Variants in CDH13 observed in about 807,000 individuals in gnomAD.
CDH13 encodes the protein cadherin-13.
In CDH13, 24 loss-of-function variants were observed where a neutral mutation model predicts 63.8. The observed-to-expected ratio is 0.38, with a 90% confidence interval of 0.27 to 0.53. The LOEUF is 0.53. CDH13 is among the 20% of genes least tolerant of loss of function. CDH13 has a pLI of 0.85. For synonymous variants in CDH13, 503 were observed against 355.3 expected (o/e 1.42, Z -4.67); for missense variants, 1,049 against 903.1 (o/e 1.16, Z -2.07).
chr16:83,502,517 A>G (rs1332743225), intron 7 of CDH13, among the ~76,000 whole-genome samples: 1 of 152,218 alleles, frequency 6.6e-6, no homozygotes, highest in Non-Finnish European at 1.5e-5. Context: ...CACATGGTTA[A>G]GTCACTAAGG....
intron 3 of CDH13, among the ~76,000 whole-genome samples, chr16:83,039,964 C>G (rs1429895268): frequency 6.6e-6 from 1 of 151,928 alleles, no homozygotes; most frequent in Admixed American, 6.6e-5. Context: ...TGTTCTTTCT[C>G]CAGGCTCCTG....
chr16:83,152,614 AG>A (rs2037032661), intron 4 of CDH13, among the ~76,000 whole-genome samples: 1 of 152,234 alleles, frequency 6.6e-6, no homozygotes, highest in African/African-American at 2.4e-5. Context: ...AATCTGGGAC[AG>A]GTTTCAGAGT....
Position 83,028,714 on chromosome 16 carries a change from A to C in CDH13, c.158-3296A>C, listed in dbSNP as rs555559622. Among the ~76,000 whole-genome samples the C allele has an allele frequency of 2.6e-5, 4 of 152,364 alleles. No homozygotes were observed. In the South Asian group the frequency reaches 6.2e-4, roughly 24 times the overall value. ...ATGATAAAATAGAACAATTATAACA[A>C]TAATGAAAATGGCACACAATTTGAA... On this transcript the variant is annotated intron_variant, in intron 2 of 13. Coordinates refer to ENST00000567109, the MANE Select transcript of CDH13 (RefSeq NM_001257.5).
chr16:82,820,902 C>T (rs1443561141), intron 1 of CDH13, among the ~76,000 whole-genome samples: 1 of 115,804 alleles, frequency 8.6e-6, no homozygotes, highest in African/African-American at 2.8e-5. Context: ...ATGAATATGC[C>T]TGCCCTTTTC....
In CDH13 at chr16:82,644,684, C is replaced by G. The variant is rs1215013355; in HGVS notation, c.45+17547C>G. ...GCAGAAGTCAGGACTTGAACTGGCT[C>G]TGGCTGGGACCCAGGCTCCCAGGTA... is the stretch of plus-strand genomic sequence containing the variant. On this transcript the variant is annotated intron_variant, in intron 1 of 13. Transcript: ENST00000567109. This position sits in a 1 kb window ranked among gnomAD's most constrained non-coding sequence, Gnocchi z 5.7. Among the ~76,000 whole-genome samples the G allele has an allele frequency of 1.3e-5, 2 of 152,134 alleles. No individual in the cohort carries two copies. The highest frequency in any genetic ancestry group is 4.8e-5 in the African/African-American group (2 of 41,416).
At chr16:83,036,552 G>A (rs936826896) in intron 3 of CDH13, among the ~76,000 whole-genome samples, 3 of 152,120 alleles carry the variant, frequency 2.0e-5, no homozygotes, top group African/African-American at 7.2e-5. Context: ...ACAGAGGCAA[G>A]CAAGGCCTGC....
intron 3 of CDH13, among the ~76,000 whole-genome samples, chr16:83,113,212 C>G (rs559696475): frequency 6.6e-6 from 1 of 152,248 alleles, no homozygotes; most frequent in Admixed American, 6.5e-5. Flanking sequence ...ATTGAGCACC[C>G]CAGGATAAAA....
intron 2 of CDH13, among the ~76,000 whole-genome samples, chr16:82,932,246 C>G (rs947417870): frequency 6.6e-6 from 1 of 152,114 alleles, no homozygotes; most frequent in Non-Finnish European, 1.5e-5. Context: ...TTGACACACA[C>G]TTATTCTAAA....
intron 1 of CDH13, among the ~76,000 whole-genome samples, chr16:82,767,432 C>T (rs2035097175): frequency 6.6e-6 from 1 of 152,216 alleles, no homozygotes; most frequent in East Asian, 1.9e-4. Context: ...CTTGACTCAA[C>T]ATGTTGTTTT....
chr16:82,757,329 A>G (rs879359651), intron 1 of CDH13, among the ~76,000 whole-genome samples: 15 of 152,146 alleles, frequency 9.9e-5, no homozygotes, highest in Non-Finnish European at 2.1e-4. Context: ...TTTTCTTGAT[A>G]TTTGAACTTC....
At position 83,777,719 on chromosome 16, in the gene CDH13, G is replaced by A. The variant is rs74034826; in HGVS notation, c.1682-2249G>A. 2.4e-3 allele frequency among the ~76,000 whole-genome samples: 363 copies of A among 152,316 alleles called. 1 individual carries two copies. The highest frequency in any genetic ancestry group is 8.1e-3 in the African/African-American group (338 of 41,572). ...CTTGCTTCTTTGCTAGGACTTGCCT[G>A]CGTCCTGTATGCCAACTTCAAATAC... On this transcript the variant is annotated intron_variant, in intron 11 of 13. Coordinates refer to ENST00000567109, the MANE Select transcript of CDH13 (RefSeq NM_001257.5).
intron 7 of CDH13, among the ~76,000 whole-genome samples, chr16:83,533,618 C>CTTTTTT (rs11365656): frequency 8.6e-6 from 1 of 116,104 alleles, no homozygotes; most frequent in Non-Finnish European, 1.7e-5. Context: ...TTTACATTAT[C>CTTTTTT]TTTTTTTTTT....
At chr16:82,843,657 TG>T (rs1413179984) in intron 1 of CDH13, among the ~76,000 whole-genome samples, 1 of 152,248 alleles carries the variant, frequency 6.6e-6, no homozygotes, top group Non-Finnish European at 1.5e-5. Context: ...AAAAGGACTT[TG>T]GTTCTGAAAG....
chr16:83,783,540 G>A (rs1915679061), intron 13 of CDH13, 68 bp downstream of exon 13: 4 of 1,199,494 alleles, frequency 3.3e-6, no homozygotes, highest in Admixed American at 3.4e-5. Flanking sequence ...CGTGAAGCCA[G>A]CATTTTCCCA....
intron 1 of CDH13, among the ~76,000 whole-genome samples, chr16:82,794,631 C>T (rs999103245): frequency 1.3e-5 from 2 of 152,252 alleles, no homozygotes; most frequent in African/African-American, 4.8e-5. Flanking sequence ...TTTTCTCAAA[C>T]AGAAGCTTAA....
chr16:82,673,515 A>C (rs1176809055), intron 1 of CDH13, among the ~76,000 whole-genome samples: 1 of 152,222 alleles, frequency 6.6e-6, no homozygotes, highest in East Asian at 1.9e-4. Context: ...ACACAACCCC[A>C]GCCCTGGTGG....
intron 1 of CDH13, among the ~76,000 whole-genome samples, chr16:82,782,777 G>A (rs1257286385): frequency 2.6e-5 from 4 of 152,178 alleles, no homozygotes; most frequent in East Asian, 1.9e-4. Context: ...CCTTACTCCC[G>A]CTGCTGGTGA....
chr16:82,678,145 G>C (rs556605216), intron 1 of CDH13, among the ~76,000 whole-genome samples: 1 of 152,092 alleles, frequency 6.6e-6, no homozygotes, highest in East Asian at 1.9e-4. Flanking sequence ...TTCTTTTCCT[G>C]TAAGAATGTT....
intron 7 of CDH13, among the ~76,000 whole-genome samples, chr16:83,510,667 G>A (rs1394529593): frequency 1.3e-5 from 2 of 152,134 alleles, no homozygotes; most frequent in Non-Finnish European, 2.9e-5. Flanking sequence ...CAACACCAAT[G>A]TTTCATCTCC....
Sources: allele counts gnomAD v4.1 joint callset (sites outside exome capture counted in the v4.1 genomes callset), GRCh38; gene constraint gnomAD v4.1.1; non-coding constraint Gnocchi (gnomAD v3.1); transcripts MANE v1.5; gene names NCBI Gene and HGNC (gene_info 2026-07-23, HGNC 2026-07-21).